Variants in POU2F1 observed in about 807,000 individuals in gnomAD.
POU2F1 encodes POU class 2 homeobox 1.
A neutral mutation model predicts 84.9 loss-of-function variants in POU2F1; 16 were observed. That is an observed-to-expected ratio of 0.19 (90% confidence interval 0.13 to 0.29). The LOEUF is 0.29. Among genes scored for constraint, POU2F1 ranks in the 10% least tolerant of loss-of-function variants. The pLI is 1.00. For synonymous variants in POU2F1, 368 were observed against 368.3 expected (o/e 1.00, Z 0.01); for missense variants, 738 against 942.6 (o/e 0.78, Z 2.84).
intron 1 of POU2F1, among the ~76,000 whole-genome samples, chr1:167,268,475 C>T (rs896225045): frequency 3.9e-5 from 6 of 152,102 alleles, no homozygotes; most frequent in Non-Finnish European, 5.9e-5. Context: ...AAGTGGAGCA[C>T]AAAAGGGGGA....
chr1:167,370,163 C>T lies in POU2F1; in HGVS notation c.231C>T (p.Val77=). ...GAACTTCCCCTGATTACTTATAGGT[C>T]CAACTCGCTGGAACAAGTTTACAGG... is the stretch of plus-strand genomic sequence containing the variant. ...AQAFLGHLHQ[V]QLAGTSLQAA... The change falls in exon 4 of 16, where the codon GTC becomes GTT. Residue 77 remains valine, a splice_region_variant and synonymous_variant. Transcript: ENST00000367866. 6.2e-7 allele frequency: 1 copy of T among 1,606,494 alleles called. No individual in the cohort carries two copies. The highest frequency in any genetic ancestry group is 8.5e-7 in the Non-Finnish European group (1 of 1,174,740).
intron 1 of POU2F1, among the ~76,000 whole-genome samples, chr1:167,300,744 T>C (rs1362917761): frequency 6.6e-6 from 1 of 152,104 alleles, no homozygotes; most frequent in African/African-American, 2.4e-5. Flanking sequence ...ATTACAGGCA[T>C]GAGCCACTGC....
intron 1 of POU2F1, among the ~76,000 whole-genome samples, chr1:167,265,400 G>C (rs1651870325): frequency 6.6e-6 from 1 of 152,182 alleles, no homozygotes. Flanking sequence ...ATTATGAAAT[G>C]TCATTGTTAG....
chr1:167,384,048 A>G lies in POU2F1; in HGVS notation c.813+97A>G, dbSNP rs370856570. On this transcript the variant is annotated intron_variant, in intron 8 of 15. Transcript: ENST00000367866. ...TTTTTTTTTAAATCTAATAAAAATA[A>G]TTCGGTCTTCGAAAACTGACCAGAA... 8 of 1,065,290 alleles carry G rather than the reference A, an allele frequency of 7.5e-6. No homozygotes were observed. In the East Asian group the frequency reaches 1.4e-4, roughly 18 times the overall value. The allele number at this position is 1,065,290 out of a possible 1,614,324, so 66.0% of individuals were successfully genotyped here.
intron 2 of POU2F1, among the ~76,000 whole-genome samples, chr1:167,337,066 G>A (rs1161826399): frequency 6.6e-6 from 1 of 152,014 alleles, no homozygotes; most frequent in African/African-American, 2.4e-5. Flanking sequence ...TGGAAGCTGA[G>A]GTAGGAGAAT....
At chr1:167,269,640 C>T (rs2984902) in intron 1 of POU2F1, among the ~76,000 whole-genome samples, 11,825 of 152,126 alleles carry the variant, frequency 0.078, 1,476 homozygotes, top group African/African-American at 0.27. Flanking sequence ...GGGTTGGGCG[C>T]GGTGACTCAC....
At chr1:167,263,999 G>C (rs1394291441) in intron 1 of POU2F1, among the ~76,000 whole-genome samples, 1 of 152,154 alleles carries the variant, frequency 6.6e-6, no homozygotes, top group Admixed American at 6.5e-5. Context: ...GGTTATGATG[G>C]TAAGTGAAAC....
At chr1:167,318,090 CTGGGATGCTTTAAGTATTTGTTCTT>C (rs1435748223) in intron 1 of POU2F1, among the ~76,000 whole-genome samples, 1 of 152,186 alleles carries the variant, frequency 6.6e-6, no homozygotes, top group Non-Finnish European at 1.5e-5. Flanking sequence ...TCACGTGTGC[CTGGGATGCTTTAAGTATTTGTTCTT>C]TTAATTTTGC....
intron 4 of POU2F1, 40 bp downstream of exon 4, chr1:167,370,254 A>AT (rs1331280710): frequency 6.6e-7 from 1 of 1,512,544 alleles, no homozygotes; most frequent in Non-Finnish European, 9.0e-7. Context: ...TCTTTTATTT[A>AT]TTTTTTCTTA....
At chr1:167,350,470 T>C (rs1658480508) in intron 2 of POU2F1, among the ~76,000 whole-genome samples, 1 of 152,152 alleles carries the variant, frequency 6.6e-6, no homozygotes, top group African/African-American at 2.4e-5. Flanking sequence ...TGTATTTCCA[T>C]GCATTTAGCT....
chr1:167,302,947 A>G (rs1046462102), intron 1 of POU2F1, among the ~76,000 whole-genome samples: 2 of 152,196 alleles, frequency 1.3e-5, no homozygotes, highest in Non-Finnish European at 2.9e-5. Context: ...AAATTTTCAC[A>G]CCTGTGTGTA....
chr1:167,265,606 C>A (rs1166216851), intron 1 of POU2F1, among the ~76,000 whole-genome samples: 1 of 152,028 alleles, frequency 6.6e-6, no homozygotes, highest in Non-Finnish European at 1.5e-5. Context: ...ACAGTGCATG[C>A]AGTAGTGAAA....
chr1:167,407,799 T>A (rs1379196152), intron 13 of POU2F1, among the ~76,000 whole-genome samples: 2 of 152,298 alleles, frequency 1.3e-5, no homozygotes, highest in African/African-American at 2.4e-5. Context: ...ACTATAAAGT[T>A]GCTAGTAAAT....
rs993213138 is a variant in POU2F1 at position 167,416,316 on chromosome 1, G to A, written c.*506G>A. On this transcript the variant is annotated 3_prime_UTR_variant, in exon 16 of 16. Transcript: ENST00000367866. Reference sequence around the variant, plus strand: ...AAGTCATAACAAGGTGTTTATAATCGTATCAATTGTGTTGGGGGTTCCTTT... The same window carrying A: ...AAGTCATAACAAGGTGTTTATAATCATATCAATTGTGTTGGGGGTTCCTTT... The A allele has an allele frequency of 1.7e-5, 4 of 237,808 alleles. No homozygotes were observed. Among genetic ancestry groups the A allele is most frequent in the South Asian group, 4.9e-5 (1 of 20,202 alleles). 14.7% of individuals were successfully genotyped at this position (237,808 alleles called of 1,614,324 possible).
chr1:167,414,521 G>T, intron 15 of POU2F1: 5 of 985,250 alleles, frequency 5.1e-6, no homozygotes, highest in Non-Finnish European at 6.0e-6. Flanking sequence ...ACATGTAGGA[G>T]TGAGGTTATA....
chr1:167,311,727 C>G (rs1655485041), intron 1 of POU2F1, among the ~76,000 whole-genome samples: 1 of 151,840 alleles, frequency 6.6e-6, no homozygotes. Context: ...TGCAGCTATA[C>G]AATGTCTTTG....
intron 1 of POU2F1, among the ~76,000 whole-genome samples, chr1:167,308,497 G>A (rs1295132501): frequency 6.6e-6 from 1 of 152,040 alleles, no homozygotes; most frequent in East Asian, 1.9e-4. Context: ...TCATCACCAA[G>A]TTTTCATTTA....
At position 167,416,128 on chromosome 1, in the gene POU2F1, A is replaced by C; in HGVS notation, c.*318A>C. The C allele has an allele frequency of 4.3e-6, 2 of 467,730 alleles. No homozygotes were observed. The highest frequency in any genetic ancestry group is 5.3e-5 in the East Asian group (1 of 18,818). The allele number at this position is 467,730 out of a possible 1,614,324, so 29.0% of individuals were successfully genotyped here. ...AAAAGAAACAAAAAAATCAAAAACA[A>C]ACAAAAATAAGTGAAAGGACTACTT... On this transcript the variant is annotated 3_prime_UTR_variant, in exon 16 of 16. Transcript: ENST00000367866.
intron 1 of POU2F1, among the ~76,000 whole-genome samples, chr1:167,298,404 T>C (rs187161236): frequency 3.9e-5 from 6 of 152,304 alleles, no homozygotes; most frequent in Admixed American, 1.3e-4. Flanking sequence ...AAGCATTTTC[T>C]AATTTAAGAT....
Sources: allele counts gnomAD v4.1 joint callset (sites outside exome capture counted in the v4.1 genomes callset), GRCh38; gene constraint gnomAD v4.1.1; transcripts MANE v1.5; gene names NCBI Gene and HGNC (gene_info 2026-07-23, HGNC 2026-07-21).